Variants in SPECC1 observed in about 807,000 individuals in gnomAD.
SPECC1 encodes sperm antigen with calponin homology and coiled-coil domains 1, also known as cytospin-B.
SPECC1 carries 62 observed loss-of-function variants against 104.1 expected under a neutral mutation model. The observed-to-expected ratio is 0.60, with a 90% CI of 0.49 to 0.74. SPECC1 has a LOEUF of 0.74. Ranked by LOEUF, SPECC1 falls within the 30% of genes least tolerant of loss-of-function variation. The pLI is 0.00. For missense variants in SPECC1, 1,306 were observed against 1,310.5 expected (o/e 1.00, Z 0.05); for synonymous variants, 513 against 501.6 (o/e 1.02, Z -0.30).
intron 6 of SPECC1, 105 bp from the exon 7 acceptor site, chr17:20,232,095 T>G: frequency 1.5e-6 from 2 of 1,356,832 alleles, no homozygotes; most frequent in Non-Finnish European, 2.1e-6. Flanking sequence ...CACCAAGCAC[T>G]GATGGCATTT....
chr17:20,291,368 G>A (rs1338143761), intron 12 of SPECC1, among the ~76,000 whole-genome samples: 1 of 152,236 alleles, frequency 6.6e-6, no homozygotes, highest in African/African-American at 2.4e-5. Context: ...ATGTGCTTCA[G>A]AGGCAAATGG....
chr17:20,251,522 G>A (rs900206746), intron 9 of SPECC1, among the ~76,000 whole-genome samples: 3 of 152,062 alleles, frequency 2.0e-5, no homozygotes, highest in Non-Finnish European at 2.9e-5. Context: ...TGTATACCAC[G>A]ACCATTATAT....
At chr17:20,242,825 GA>G (rs1312945251) in intron 7 of SPECC1, among the ~76,000 whole-genome samples, 3 of 152,160 alleles carry the variant, frequency 2.0e-5, no homozygotes, top group Admixed American at 1.3e-4. Flanking sequence ...AATTAAATTA[GA>G]TAATGCTTTT....
chr17:20,032,204 G>A (rs750419535), intron 1 of SPECC1, among the ~76,000 whole-genome samples: 3 of 151,954 alleles, frequency 2.0e-5, no homozygotes, highest in Non-Finnish European at 2.9e-5. Context: ...TATTTTCTCT[G>A]TTTTTGACTT....
At position 20,069,016 on chromosome 17, in the gene SPECC1, G is replaced by A. The variant is rs77864190; in HGVS notation, c.-21-27615G>A. ...GGTACATGTGAAGGTTTATCACATAGGTAAACTCATGTCACAGGGGTTTGT... is the reference window on the plus strand; with the variant it reads ...GGTACATGTGAAGGTTTATCACATAAGTAAACTCATGTCACAGGGGTTTGT... On this transcript the variant is annotated intron_variant, in intron 1 of 14. Transcript: ENST00000395527. Among the ~76,000 whole-genome samples, 29 of 152,132 alleles carry A rather than the reference G, an allele frequency of 1.9e-4. No homozygotes were observed. In the East Asian group the frequency reaches 4.3e-3, roughly 22 times the overall value.
At chr17:20,273,593 C>T (rs2040482218) in intron 12 of SPECC1, among the ~76,000 whole-genome samples, 1 of 152,156 alleles carries the variant, frequency 6.6e-6, no homozygotes, top group African/African-American at 2.4e-5. Context: ...TCTGGGTGTG[C>T]ACAGAAGAGA....
chr17:20,110,074 C>G (rs1169305656), intron 2 of SPECC1, among the ~76,000 whole-genome samples: 2 of 151,396 alleles, frequency 1.3e-5, no homozygotes, highest in African/African-American at 4.9e-5. Context: ...CTGAGCCCAG[C>G]AGTCCTCCCA....
intron 1 of SPECC1, among the ~76,000 whole-genome samples, chr17:20,058,445 G>T (rs1454610699): frequency 2.0e-5 from 3 of 152,118 alleles, no homozygotes; most frequent in Admixed American, 2.0e-4. Context: ...GATCACTTGA[G>T]CCCAGGGTTT....
At chr17:20,228,594 A>G (rs1282675901) in intron 5 of SPECC1, among the ~76,000 whole-genome samples, 1 of 152,196 alleles carries the variant, frequency 6.6e-6, no homozygotes, top group African/African-American at 2.4e-5. Context: ...GAGATGGATG[A>G]TAGGTATCAG....
At chr17:20,038,658 C>T (rs1192308240) in intron 1 of SPECC1, among the ~76,000 whole-genome samples, 1 of 152,166 alleles carries the variant, frequency 6.6e-6, no homozygotes, top group African/African-American at 2.4e-5. Context: ...CCTCGGCCTC[C>T]CAAAGTGCTG....
chr17:20,141,509 GGCTTATCT>G (rs1396346910), intron 3 of SPECC1, among the ~76,000 whole-genome samples: 1 of 152,092 alleles, frequency 6.6e-6, no homozygotes, highest in Admixed American at 6.5e-5. Flanking sequence ...AAGTCTTGAA[GGCTTATCT>G]GCTTGTCTCC....
intron 1 of SPECC1, among the ~76,000 whole-genome samples, chr17:20,060,706 T>G (rs1179448457): frequency 1.3e-5 from 2 of 152,242 alleles, no homozygotes; most frequent in East Asian, 3.8e-4. Context: ...CAGTCAATAG[T>G]GAGCCTCCTA....
intron 4 of SPECC1, among the ~76,000 whole-genome samples, chr17:20,217,804 C>T (rs989279005): frequency 6.6e-6 from 1 of 152,152 alleles, no homozygotes; most frequent in South Asian, 2.1e-4. Flanking sequence ...AATCCCAGCA[C>T]TTGGGAGGCC....
intron 1 of SPECC1, among the ~76,000 whole-genome samples, chr17:20,076,032 A>T (rs2046746103): frequency 6.6e-6 from 1 of 152,076 alleles, no homozygotes; most frequent in Admixed American, 6.5e-5. Context: ...CCAGAGGATC[A>T]CTCGTACCTA....
intron 3 of SPECC1, chr17:20,155,978 A>G: frequency 7.9e-7 from 1 of 1,258,636 alleles, no homozygotes; most frequent in Non-Finnish European, 1.0e-6. Context: ...GCGGGCCGCG[A>G]GGGCGGGCTT....
chr17:20,059,352 A>G (rs867114178), intron 1 of SPECC1, among the ~76,000 whole-genome samples: 4 of 152,068 alleles, frequency 2.6e-5, no homozygotes, highest in Admixed American at 2.6e-4. Flanking sequence ...TCAGTTCACA[A>G]TAGGGTTCAT....
At position 20,286,441 on chromosome 17, in the gene SPECC1, A is replaced by T. The variant is rs1015032156; in HGVS notation, c.2941-10520A>T. On this transcript the variant is annotated intron_variant, in intron 12 of 14. Transcript: ENST00000395527. ...CCTGGGGTGGTCTGTGTTTCTTCTT[A>T]GTTTTGGCTGCTTCTGTGAGCATTG... Among the ~76,000 whole-genome samples, 3 of 152,066 alleles carry T rather than the reference A, an allele frequency of 2.0e-5. No homozygotes were observed. In the South Asian group the frequency reaches 6.2e-4, roughly 32 times the overall value.
intron 3 of SPECC1, among the ~76,000 whole-genome samples, chr17:20,174,055 C>G (rs985428342): frequency 9.9e-5 from 15 of 152,008 alleles, no homozygotes; most frequent in African/African-American, 3.6e-4. Context: ...GCTCAACCTC[C>G]CAAGTAGCTG....
chr17:20,044,414 G>C (rs1297342078), intron 1 of SPECC1, among the ~76,000 whole-genome samples: 3 of 152,134 alleles, frequency 2.0e-5, no homozygotes, highest in Non-Finnish European at 4.4e-5. Context: ...CTACTTGGGA[G>C]ATGTGTGTTT....
Sources: allele counts gnomAD v4.1 joint callset (sites outside exome capture counted in the v4.1 genomes callset), GRCh38; gene constraint gnomAD v4.1.1; transcripts MANE v1.5; gene names NCBI Gene and HGNC (gene_info 2026-07-23, HGNC 2026-07-21).